The following KIF16B variants were observed in gnomAD, a reference collection of about 807,000 sequenced individuals.
KIF16B encodes the protein kinesin-like protein KIF16B.
Under a neutral mutation model 156.3 loss-of-function variants are expected in KIF16B, and 98 were observed. The observed-to-expected ratio is 0.63, with a 90% CI of 0.53 to 0.74. The LOEUF (loss-of-function observed/expected upper bound fraction) is 0.74, where lower values mean the gene tolerates loss of function less well. Ranked by LOEUF, KIF16B falls within the 30% of genes least tolerant of loss-of-function variation. The pLI is 0.00. For missense variants in KIF16B, 1,421 were observed against 1,606.5 expected (o/e 0.88, Z 1.97); for synonymous variants, 564 against 583.7 (o/e 0.97, Z 0.49).
At chr20:16,401,561 A>G (rs948018828) in intron 17 of KIF16B, among the ~76,000 whole-genome samples, 11 of 152,216 alleles carry the variant, frequency 7.2e-5, no homozygotes, top group African/African-American at 2.7e-4. Flanking sequence ...ATTTTTATTA[A>G]GCATGTTATG....
intron 7 of KIF16B, among the ~76,000 whole-genome samples, chr20:16,506,929 T>A (rs1270879916): frequency 7.0e-6 from 1 of 142,446 alleles, no homozygotes; most frequent in Non-Finnish European, 1.6e-5. Flanking sequence ...ACACCATCTC[T>A]AGAAAAAACT....
intron 12 of KIF16B, among the ~76,000 whole-genome samples, chr20:16,437,845 G>T (rs551434168): frequency 6.6e-6 from 1 of 151,838 alleles, no homozygotes; most frequent in Non-Finnish European, 1.5e-5. Context: ...GCTAAAAGTC[G>T]TTATCAGCTG....
intron 5 of KIF16B, 45 bp downstream of exon 5, chr20:16,512,781 A>C: frequency 1.5e-6 from 2 of 1,322,702 alleles, no homozygotes; most frequent in Non-Finnish European, 2.2e-6. Context: ...ACCAGCATTG[A>C]CTCTAATCAA....
Position 16,511,539 on chromosome 20 carries a change from A to C in KIF16B, c.447-12T>G. On this transcript the variant is annotated splice_polypyrimidine_tract_variant and intron_variant, in intron 5 of 25. Transcript: ENST00000354981. ...AAATTTCTAAGTAGCTAAAAATTTAAAATAAAATTGAATTCAGAAAAATGA... is the reference window on the plus strand; with the variant it reads ...AAATTTCTAAGTAGCTAAAAATTTACAATAAAATTGAATTCAGAAAAATGA... 1 of 1,530,054 alleles carries C rather than the reference A, an allele frequency of 6.5e-7. No homozygotes were observed. Among genetic ancestry groups the C allele is most frequent in the Non-Finnish European group, 9.0e-7 (1 of 1,109,626 alleles). 94.8% of individuals were successfully genotyped at this position (1,530,054 alleles called of 1,614,324 possible).
Position 16,550,883 on chromosome 20 carries a change from G to A in KIF16B, c.47+22346C>T, listed in dbSNP as rs949621194. Among the ~76,000 whole-genome samples the A allele has an allele frequency of 7.2e-5, 11 of 151,852 alleles. No homozygotes were observed. In the South Asian group the frequency reaches 2.1e-3, roughly 29 times the overall value. ...TAAAATAGCATCCCAGGGCTAGAAC[G>A]GGTGTTCTAAAACATTTTTAATTAG... On this transcript the variant is annotated intron_variant, in intron 1 of 25. Coordinates refer to ENST00000354981, the MANE Select transcript of KIF16B (RefSeq NM_024704.5).
Position 16,526,164 on chromosome 20 carries a change from G to C in KIF16B, c.159C>G (p.Thr53=). 6.2e-7 allele frequency: 1 copy of C among 1,607,762 alleles called. No individual in the cohort carries two copies. Among genetic ancestry groups the C allele is most frequent in the Non-Finnish European group, 8.5e-7 (1 of 1,177,004 alleles). ...AAGAAAAGTCATAGGTGAAGGTCTT[G>C]GTCCGTTCTCTTCCTGAGTCCCCAG... ...GGTGDSGRER[T]KTFTYDFSFY... is the part of the protein sequence containing the mutation. Residue 53 remains threonine (T), a synonymous_variant, in exon 3 of 26, where the codon ACC becomes ACG. Transcript: ENST00000354981.
At chr20:16,382,403 AATAAAT>A (rs1455409024) in intron 17 of KIF16B, among the ~76,000 whole-genome samples, 119 of 152,358 alleles carry the variant, frequency 7.8e-4, no homozygotes, top group African/African-American at 2.8e-3. Flanking sequence ...GAGTACCAAT[AATAAAT>A]ATAAACAGTA....
chr20:16,432,847 T>C (rs905028162), intron 12 of KIF16B, among the ~76,000 whole-genome samples: 9 of 152,132 alleles, frequency 5.9e-5, no homozygotes, highest in Admixed American at 5.9e-4. Flanking sequence ...AAATGACCAA[T>C]GCATAACTTA....
chr20:16,310,271 T>G (rs539900825), intron 25 of KIF16B, among the ~76,000 whole-genome samples: 1 of 152,180 alleles, frequency 6.6e-6, no homozygotes, highest in South Asian at 2.1e-4. Context: ...GACATTAACA[T>G]AAAACTCTGC....
chr20:16,456,548 C>T (rs1164970974), intron 12 of KIF16B, among the ~76,000 whole-genome samples: 1 of 152,166 alleles, frequency 6.6e-6, no homozygotes, highest in Middle Eastern at 3.4e-3. Context: ...ACCCTCTGAG[C>T]CCCAAAGAGG....
intron 12 of KIF16B, among the ~76,000 whole-genome samples, chr20:16,451,679 T>C (rs142729743): frequency 3.3e-5 from 5 of 152,282 alleles, no homozygotes; most frequent in African/African-American, 1.2e-4. Context: ...TTAAACCAAC[T>C]TCGTATTCAT....
At chr20:16,498,916 T>G (rs2068534611) in intron 10 of KIF16B, among the ~76,000 whole-genome samples, 1 of 151,794 alleles carries the variant, frequency 6.6e-6, no homozygotes, top group South Asian at 2.1e-4. Flanking sequence ...GGTGATCTTC[T>G]TCGGCACTGT....
Position 16,346,438 on chromosome 20 carries a change from C to CTTGTACAT in KIF16B, c.3621+9891_3621+9892insATGTACAA, listed in dbSNP as rs1600179359. Among the ~76,000 whole-genome samples, 18 of 152,264 alleles carry CTTGTACAT rather than the reference C, an allele frequency of 1.2e-4. No homozygotes were observed. In the East Asian group the frequency reaches 3.3e-3, roughly 28 times the overall value. On this transcript the variant is annotated intron_variant, in intron 23 of 25. Coordinates refer to ENST00000354981, the MANE Select transcript of KIF16B (RefSeq NM_024704.5). Reference sequence around the variant, plus strand: ...GCATCACCGACAAGTACAGAAGGTGCCTCAGAGCCTCAGGCTTGTGAACCT... The same window carrying CTTGTACAT: ...GCATCACCGACAAGTACAGAAGGTGCTTGTACATCTCAGAGCCTCAGGCTTGTGAACCT...
At chr20:16,444,795 A>G (rs551071759) in intron 12 of KIF16B, among the ~76,000 whole-genome samples, 23 of 152,346 alleles carry the variant, frequency 1.5e-4, no homozygotes, top group African/African-American at 4.3e-4. Flanking sequence ...TGCTGAGATG[A>G]AAAACGCTGC....
At chr20:16,491,091 G>A (rs567796865) in intron 12 of KIF16B, among the ~76,000 whole-genome samples, 1 of 152,174 alleles carries the variant, frequency 6.6e-6, no homozygotes, top group Non-Finnish European at 1.5e-5. Context: ...CTGGGAAGTA[G>A]GGGAGAAGAG....
intron 12 of KIF16B, among the ~76,000 whole-genome samples, chr20:16,465,099 T>C (rs1029902989): frequency 6.6e-6 from 1 of 152,168 alleles, no homozygotes; most frequent in Non-Finnish European, 1.5e-5. Context: ...GGACTCTTAC[T>C]CTCTTGCAAA....
At chr20:16,465,129 A>C (rs1342368345) in intron 12 of KIF16B, among the ~76,000 whole-genome samples, 2 of 152,218 alleles carry the variant, frequency 1.3e-5, no homozygotes, top group African/African-American at 4.8e-5. Flanking sequence ...AAGTGGATTA[A>C]TATATACCTG....
intron 22 of KIF16B, among the ~76,000 whole-genome samples, chr20:16,357,948 G>A (rs578199949): frequency 6.6e-6 from 1 of 152,318 alleles, no homozygotes; most frequent in East Asian, 1.9e-4. Context: ...CCAGCACCCT[G>A]GGAGGCCAAG....
Position 16,379,789 on chromosome 20 carries a change from T to A in KIF16B, c.2213A>T (p.Asp738Val). 1 of 1,614,234 alleles carries A rather than the reference T, an allele frequency of 6.2e-7. No homozygotes were observed. The highest frequency in any genetic ancestry group is 8.5e-7 in the Non-Finnish European group (1 of 1,180,050). The change falls in exon 19 of 26, where the codon GAT (aspartate) becomes GTT (valine). Residue 738 changes from aspartate (D) to valine (V), a missense_variant. By Grantham distance (152) the Asp-to-Val change is radical (BLOSUM62 -3). Coordinates refer to ENST00000354981, the MANE Select transcript of KIF16B (RefSeq NM_024704.5). ...QELDQLQKEK[D>V]EQYAKLELEK... ...CAGTTCAAGCTTGGCATACTGTTCA[T>A]CTTTTTCCTTTTGGAGCTGGTCCAG...
Sources: allele counts gnomAD v4.1 joint callset (sites outside exome capture counted in the v4.1 genomes callset), GRCh38; gene constraint gnomAD v4.1.1; transcripts MANE v1.5; gene names NCBI Gene and HGNC (gene_info 2026-07-23, HGNC 2026-07-21).